Variants in EMD observed in about 807,000 individuals in gnomAD.
EMD encodes emerin, also known as LEM domain containing 5.
Under a neutral mutation model 15.2 loss-of-function variants are expected in EMD, and 2 were observed. That is an observed-to-expected ratio of 0.13 (90% confidence interval 0.05 to 0.41). EMD has a LOEUF of 0.41. Among genes scored for constraint, EMD ranks in the 10% least tolerant of loss-of-function variants. The pLI, the probability that EMD is intolerant of heterozygous loss-of-function variation, is 0.99. For missense variants in EMD, 224 were observed against 213.4 expected, an observed-to-expected ratio of 1.05 and a Z score of -0.31; for synonymous variants, 122 against 86.2, an observed-to-expected ratio of 1.42 and a Z score of -2.30.
Position 154,381,146 on chromosome X carries a change from C to T in EMD, c.714C>T (p.Val238=), listed in dbSNP as rs782290874. ...QLLLFLVFVI[V]LFFIYHFMQA... is the part of the protein sequence containing the mutation. ...TGCTTTTCCTGGTCTTTGTGATCGT[C>T]CTCTTCTTCATTTACCACTTCATGC... The change falls in exon 6 of 6, where the codon GTC becomes GTT. Residue 238 remains valine (V), a synonymous_variant. Coordinates refer to ENST00000369842, the MANE Select transcript of EMD (RefSeq NM_000117.3). The T allele has an allele frequency of 5.0e-6, 6 of 1,209,901 alleles. No homozygotes were observed. The African/African-American group carries it at 8.8e-5, about 18-fold the overall frequency.
chrX:154,380,474 T>C, intron 4 of EMD, 107 bp downstream of exon 4: 1 of 1,129,209 alleles, frequency 8.9e-7, no homozygotes, highest in East Asian at 3.0e-5. Flanking sequence ...CTCTTGGGCC[T>C]CCGGGGAGAC....
chrX:154,380,562 TG>T, intron 4 of EMD, 190 bp from the exon 5 acceptor site: 1 of 849,175 alleles, frequency 1.2e-6, no homozygotes, highest in Non-Finnish European at 1.7e-6. Context: ...AAGGGGATGC[TG>T]GGGCATGAGC....
Position 154,379,347 on chromosome X carries a change from A to G in EMD, c.-138A>G. On this transcript the variant is annotated 5_prime_UTR_variant, in exon 1 of 6. Coordinates refer to ENST00000369842, the MANE Select transcript of EMD (RefSeq NM_000117.3). ...GACAACGATTCGGCTGTGACGCGAC[A>G]ACGATTCGGCTGTGACGCGAGCGCG... 1.6e-6 allele frequency: 1 copy of G among 615,656 alleles called. No individual in the cohort carries two copies. Among genetic ancestry groups the G allele is most frequent in the South Asian group, 3.0e-5 (1 of 33,389 alleles). The allele number at this position is 615,656 out of a possible 1,213,427, so 50.7% of individuals were successfully genotyped here. A position where few individuals can be genotyped will look rare whatever the true frequency, so the allele number is the denominator to read the frequency against.
In EMD at chrX:154,379,358, T is replaced by A; in HGVS notation, c.-127T>A. ...GGCTGTGACGCGACAACGATTCGGCTGTGACGCGAGCGCGGCCGCTCCCGA... is the reference window on the plus strand; with the variant it reads ...GGCTGTGACGCGACAACGATTCGGCAGTGACGCGAGCGCGGCCGCTCCCGA... On this transcript the variant is annotated 5_prime_UTR_variant, in exon 1 of 6. Coordinates refer to ENST00000369842, the MANE Select transcript of EMD (RefSeq NM_000117.3). 1 of 681,402 alleles carries A rather than the reference T, an allele frequency of 1.5e-6. No homozygotes were observed. The highest frequency in any genetic ancestry group is 2.2e-6 in the Non-Finnish European group (1 of 462,310). The allele number at this position is 681,402 out of a possible 1,213,427, so 56.2% of individuals were successfully genotyped here.
rs369266985 is a variant in EMD at position 154,381,224 on chromosome X, G to A, written c.*27G>A. ...GGGAGCCATGAGGGTCTGGGCTTCA[G>A]AGCTAGGTCTTTGGGGAAGTCCTGG... is the stretch of plus-strand genomic sequence containing the variant. On this transcript the variant is annotated 3_prime_UTR_variant, in exon 6 of 6. Transcript: ENST00000369842. 1.1e-4 allele frequency: 117 copies of A among 1,056,668 alleles called. 1 individual carries two copies. Among genetic ancestry groups the A allele is most frequent in the Admixed American group, 4.0e-4 (16 of 40,078 alleles). 87.1% of individuals were successfully genotyped at this position (1,056,668 alleles called of 1,213,427 possible). A position where few individuals can be genotyped will look rare whatever the true frequency, so the allele number is the denominator to read the frequency against.
chrX:154,380,035 G>A lies in EMD; in HGVS notation c.265+16G>A. ...CAGAGCAAGGGTAAGGCAGGGGTTG[G>A]GTGGGCACGCTGGCACCTTCACCCG... is the stretch of plus-strand genomic sequence containing the variant. On this transcript the variant is annotated intron_variant, in intron 3 of 5. Coordinates refer to ENST00000369842, the MANE Select transcript of EMD (RefSeq NM_000117.3). 1 of 1,208,246 alleles carries A rather than the reference G, an allele frequency of 8.3e-7. No individual in the cohort carries two copies. Among genetic ancestry groups the A allele is most frequent in the Middle Eastern group, 2.4e-4 (1 of 4,246 alleles).
rs151074632 is a variant in EMD at position 154,380,927 on chromosome X, G to T, written c.495G>T (p.Thr165=). 8 of 1,209,758 alleles carry T rather than the reference G, an allele frequency of 6.6e-6. No individual in the cohort carries two copies. Among genetic ancestry groups the T allele is most frequent in the Non-Finnish European group, 8.9e-6 (8 of 895,094 alleles). The change falls in exon 6 of 6, where the codon ACG becomes ACT. Residue 165 remains threonine, a synonymous_variant. Coordinates refer to ENST00000369842, the MANE Select transcript of EMD (RefSeq NM_000117.3). ...YGRDSAYQSI[T]HYRPVSASRS... is the part of the protein sequence containing the mutation. Reference sequence around the variant, plus strand: ...GGGACAGTGCCTACCAGAGCATCACGCACTACCGCCCTGTTTCAGCCTCCA... The same window carrying T: ...GGGACAGTGCCTACCAGAGCATCACTCACTACCGCCCTGTTTCAGCCTCCA...
At position 154,379,319 on chromosome X, in the gene EMD, C is replaced by T. The variant is rs2067871665; in HGVS notation, c.-166C>T. 3.8e-5 allele frequency: 19 copies of T among 505,695 alleles called. No individual in the cohort carries two copies. Among genetic ancestry groups the T allele is most frequent in the Middle Eastern group, 6.0e-4 (1 of 1,676 alleles). The allele number at this position is 505,695 out of a possible 1,213,427, so 41.7% of individuals were successfully genotyped here. A position where few individuals can be genotyped will look rare whatever the true frequency, so the allele number is the denominator to read the frequency against. Reference sequence around the variant, plus strand: ...CAGCCTGCGGAGCCAGCGGCCGTGACGCGACAACGATTCGGCTGTGACGCG... The same window carrying T: ...CAGCCTGCGGAGCCAGCGGCCGTGATGCGACAACGATTCGGCTGTGACGCG... On this transcript the variant is annotated 5_prime_UTR_variant, in exon 1 of 6. The change creates a new upstream start codon in the 5' untranslated region. Coordinates refer to ENST00000369842, the MANE Select transcript of EMD (RefSeq NM_000117.3).
Position 154,380,031 on chromosome X carries a change from G to C in EMD, c.265+12G>C, listed in dbSNP as rs1344584265. 4 of 1,207,678 alleles carry C rather than the reference G, an allele frequency of 3.3e-6. No homozygotes were observed. Among genetic ancestry groups the C allele is most frequent in the Non-Finnish European group, 4.5e-6 (4 of 892,743 alleles). ...CTACCAGAGCAAGGGTAAGGCAGGG[G>C]TTGGGTGGGCACGCTGGCACCTTCA... On this transcript the variant is annotated intron_variant, in intron 3 of 5. Coordinates refer to ENST00000369842, the MANE Select transcript of EMD (RefSeq NM_000117.3).
chrX:154,381,093 C>T lies in EMD; in HGVS notation c.661C>T (p.Arg221Cys), dbSNP rs1434136213. The T allele has an allele frequency of 1.6e-5, 19 of 1,212,025 alleles. No individual in the cohort carries two copies. Among genetic ancestry groups the T allele is most frequent in the East Asian group, 3.0e-5 (1 of 33,869 alleles). The part of the protein sequence containing the change: ...RAPGAGLGQD[R>C]QVPLWGQLLL... Reference sequence around the variant, plus strand: ...TCCTGGGGCTGGGCTGGGCCAGGATCGCCAGGTCCCGCTCTGGGGCCAGCT... The same window carrying T: ...TCCTGGGGCTGGGCTGGGCCAGGATTGCCAGGTCCCGCTCTGGGGCCAGCT... The change falls in exon 6 of 6, where the codon CGC (arginine) becomes TGC (cysteine). Residue 221 changes from arginine to cysteine, a missense_variant. Transcript: ENST00000369842.
intron 4 of EMD, 163 bp downstream of exon 4, chrX:154,380,530 T>A (rs2067881212): frequency 1.1e-6 from 1 of 924,347 alleles, no homozygotes; most frequent in South Asian, 2.2e-5. Flanking sequence ...GCTCAGACTC[T>A]TCCTGAGAGT....
In EMD at chrX:154,380,979, CCTA is replaced by C. The variant is rs2067884621; in HGVS notation, c.550_552del (p.Thr184del). ...GAGCTCCCTGGACCTGTCCTATTAT[CCTA>C]CTTCCTCCTCCACCTCTTTTATGTC... On this transcript the variant is annotated inframe_deletion, in exon 6 of 6. Transcript: ENST00000369842. The C allele has an allele frequency of 8.3e-7, 1 of 1,209,659 alleles. No individual in the cohort carries two copies. Among genetic ancestry groups the C allele is most frequent in the African/African-American group, 1.8e-5 (1 of 57,098 alleles).
In EMD at chrX:154,379,432, G is replaced by A. The variant is rs1478805730; in HGVS notation, c.-53G>A. The A allele has an allele frequency of 8.7e-7, 1 of 1,146,041 alleles. No homozygotes were observed. 94.4% of individuals were successfully genotyped at this position (1,146,041 alleles called of 1,213,427 possible). On this transcript the variant is annotated 5_prime_UTR_variant, in exon 1 of 6. Coordinates refer to ENST00000369842, the MANE Select transcript of EMD (RefSeq NM_000117.3). ...GCTCCTCGGCAGCCGTTGCTCGGCC[G>A]GTTTTGGTAGGCCCGGGCCGCCGCC...
Position 154,381,226 on chromosome X carries a change from G to A in EMD, c.*29G>A. ...GAGCCATGAGGGTCTGGGCTTCAGA[G>A]CTAGGTCTTTGGGGAAGTCCTGGCT... On this transcript the variant is annotated 3_prime_UTR_variant, in exon 6 of 6. Coordinates refer to ENST00000369842, the MANE Select transcript of EMD (RefSeq NM_000117.3). 1 of 1,062,220 alleles carries A rather than the reference G, an allele frequency of 9.4e-7. No homozygotes were observed. The highest frequency in any genetic ancestry group is 1.2e-6 in the Non-Finnish European group (1 of 803,586). The allele number at this position is 1,062,220 out of a possible 1,213,427, so 87.5% of individuals were successfully genotyped here.
At position 154,380,739 on chromosome X, in the gene EMD, ACT is replaced by A. The variant is rs1427015192; in HGVS notation, c.400-9_400-8del. ...CCTGCCAGCCAGTCCCCTCGCCCTG[ACT>A]CTCTTCTGCAGGTGCATGATGACGA... On this transcript the variant is annotated splice_polypyrimidine_tract_variant and intron_variant, in intron 4 of 5. Transcript: ENST00000369842. 11 of 1,208,948 alleles carry A rather than the reference ACT, an allele frequency of 9.1e-6. No homozygotes were observed. Among genetic ancestry groups the A allele is most frequent in the Admixed American group, 2.2e-5 (1 of 45,844 alleles).
intron 1 of EMD, 55 bp from the exon 2 acceptor site, chrX:154,379,623 ACCTCCCCGCTGC>A: frequency 1.7e-6 from 2 of 1,191,859 alleles, no homozygotes; most frequent in East Asian, 3.0e-5. Flanking sequence ...CCGCCTCGCG[ACCTCCCCGCTGC>A]CCTCCCCGCG....
chrX:154,380,098 A>G (rs941482776), intron 3 of EMD, 79 bp downstream of exon 3: 9 of 1,189,393 alleles, frequency 7.6e-6, no homozygotes, highest in Non-Finnish European at 9.1e-6. Flanking sequence ...AGGACCTGAG[A>G]CCTCAGTCCC....
chrX:154,381,326 G>T lies in EMD; in HGVS notation c.*129G>T. 1.1e-6 allele frequency: 1 copy of T among 911,743 alleles called. No individual in the cohort carries two copies. Among genetic ancestry groups the T allele is most frequent in the South Asian group, 2.4e-5 (1 of 40,882 alleles). The allele number at this position is 911,743 out of a possible 1,213,427, so 75.1% of individuals were successfully genotyped here. Reference sequence around the variant, plus strand: ...TGTGTTTTTGCTTGGGGGGCGCTGGGCCTAGCCCAGAGTAGTGCTTGCTCC... The same window carrying T: ...TGTGTTTTTGCTTGGGGGGCGCTGGTCCTAGCCCAGAGTAGTGCTTGCTCC... On this transcript the variant is annotated 3_prime_UTR_variant, in exon 6 of 6. Coordinates refer to ENST00000369842, the MANE Select transcript of EMD (RefSeq NM_000117.3).
chrX:154,379,724 C>T lies in EMD; in HGVS notation c.117C>T (p.Phe39=), dbSNP rs782334564. 4 of 1,208,255 alleles carry T rather than the reference C, an allele frequency of 3.3e-6. No homozygotes were observed. The East Asian group carries it at 8.9e-5, about 27-fold the overall frequency. The change falls in exon 2 of 6, where the codon TTC becomes TTT. Residue 39 remains phenylalanine (F), a synonymous_variant. Transcript: ENST00000369842. The part of the protein sequence containing the change: ...STRRLYEKKI[F]EYETQRRRLS... ...GTAGGCTTTACGAGAAGAAGATCTTCGAGTACGAGACCCAGAGGCGGCGGC... is the reference window on the plus strand; with the variant it reads ...GTAGGCTTTACGAGAAGAAGATCTTTGAGTACGAGACCCAGAGGCGGCGGC...
Sources: gnomAD v4.1 joint callset for allele counts on GRCh38, gnomAD v4.1.1 for gene constraint, MANE v1.5 for transcripts, NCBI Gene and HGNC (gene_info 2026-07-23, HGNC 2026-07-21) for gene names.